The following TEAD1 variants were observed in gnomAD, a reference collection of about 807,000 sequenced individuals.
The protein encoded by TEAD1 is TEA domain transcription factor 1.
A neutral mutation model predicts 54.9 loss-of-function variants in TEAD1; 9 were observed. That is an observed-to-expected ratio of 0.16 (90% CI 0.10 to 0.29). The LOEUF (loss-of-function observed/expected upper bound fraction) is 0.29. Among genes scored for constraint, TEAD1 ranks in the 10% least tolerant of loss-of-function variants. The pLI is 1.00. For missense variants in TEAD1, 387 were observed against 535.9 expected (o/e 0.72, Z 2.74); for synonymous variants, 200 against 187.8 (o/e 1.07, Z -0.53).
At chr11:12,701,288 A>G (rs1008490384) in intron 2 of TEAD1, among the ~76,000 whole-genome samples, 5 of 152,118 alleles carry the variant, frequency 3.3e-5, no homozygotes, top group African/African-American at 1.2e-4. Flanking sequence ...AAGTCAGCCA[A>G]AAAAGTTGGT....
chr11:12,862,760 G>A lies in TEAD1; in HGVS notation c.267+446G>A, dbSNP rs1021719423. 3.3e-5 allele frequency among the ~76,000 whole-genome samples: 5 copies of A among 152,296 alleles called. No homozygotes were observed. In the East Asian group the frequency reaches 9.7e-4, roughly 29 times the overall value. Reference sequence around the variant, plus strand: ...GTAACGCCAGCAGCCTTGAGTATTGGCCTGAATGTAATGCTAAATGATGTG... The same window carrying A: ...GTAACGCCAGCAGCCTTGAGTATTGACCTGAATGTAATGCTAAATGATGTG... On this transcript the variant is annotated intron_variant, in intron 4 of 12. Transcript: ENST00000527636.
At chr11:12,924,323 C>T (rs1358317822) in intron 10 of TEAD1, among the ~76,000 whole-genome samples, 1 of 152,182 alleles carries the variant, frequency 6.6e-6, no homozygotes, top group Non-Finnish European at 1.5e-5. Flanking sequence ...TTTTATGTAT[C>T]TTCCATATCA....
At chr11:12,905,288 A>G (rs2134133238) in intron 10 of TEAD1, among the ~76,000 whole-genome samples, 1 of 152,298 alleles carries the variant, frequency 6.6e-6, no homozygotes, top group East Asian at 1.9e-4. Flanking sequence ...TGAATCCTCA[A>G]ATAACAAAGT....
intron 12 of TEAD1, among the ~76,000 whole-genome samples, chr11:12,930,663 A>G (rs1338378546): frequency 6.6e-6 from 1 of 152,230 alleles, no homozygotes; most frequent in Admixed American, 6.5e-5. Flanking sequence ...TCCTAGATCA[A>G]TTAAATCAGG....
intron 3 of TEAD1, among the ~76,000 whole-genome samples, chr11:12,853,513 A>G (rs1296458391): frequency 1.3e-5 from 2 of 152,218 alleles, no homozygotes; most frequent in African/African-American, 4.8e-5. Context: ...CAAACTACTC[A>G]TTAGAGGATT....
chr11:12,852,389 C>T (rs1197598600), intron 3 of TEAD1, among the ~76,000 whole-genome samples: 1 of 151,420 alleles, frequency 6.6e-6, no homozygotes, highest in East Asian at 1.9e-4. Flanking sequence ...GGGTAGCAGT[C>T]TATTTAGGTC....
intron 2 of TEAD1, among the ~76,000 whole-genome samples, chr11:12,758,960 C>G (rs768707818): frequency 3.9e-5 from 6 of 152,128 alleles, no homozygotes; most frequent in Non-Finnish European, 7.3e-5. Context: ...CTGTGTTACT[C>G]AGGGGGACAG....
chr11:12,880,299 C>T (rs1255649177), intron 6 of TEAD1, among the ~76,000 whole-genome samples: 1 of 152,194 alleles, frequency 6.6e-6, no homozygotes, highest in African/African-American at 2.4e-5. Flanking sequence ...GGCTGAGAAG[C>T]ATTATGTTAT....
At chr11:12,880,866 C>T (rs1450328691) in intron 6 of TEAD1, 139 bp from the exon 7 acceptor site, 17 of 949,188 alleles carry the variant, frequency 1.8e-5, no homozygotes, top group South Asian at 7.8e-5. Flanking sequence ...AAGTGGTGAC[C>T]GCATTTGCAC....
chr11:12,841,602 G>A (rs1375193770), intron 3 of TEAD1, among the ~76,000 whole-genome samples: 5 of 152,070 alleles, frequency 3.3e-5, no homozygotes, highest in Non-Finnish European at 7.3e-5. Flanking sequence ...CCTTCTTTCA[G>A]CTACTTGCAT....
At chr11:12,844,959 C>CTTTTTTTTTTTTTTTTTTTTTTTTTTTTT (rs3046338) in intron 3 of TEAD1, among the ~76,000 whole-genome samples, 1 of 64,658 alleles carries the variant, frequency 1.5e-5, no homozygotes. Context: ...TGTATGAAAT[C>CTTTTTTTTTTTTTTTTTTTTTTTTTTTTT]TTTTTTTTTT....
chr11:12,700,608 C>T (rs1409089072), intron 2 of TEAD1, among the ~76,000 whole-genome samples: 2 of 151,886 alleles, frequency 1.3e-5, no homozygotes, highest in African/African-American at 4.8e-5. Context: ...ACTTTTTTTT[C>T]TATGATAGGA....
chr11:12,937,299 C>G lies in TEAD1; in HGVS notation c.*77C>G. The G allele has an allele frequency of 1.6e-6, 2 of 1,226,272 alleles. No individual in the cohort carries two copies. Among genetic ancestry groups the G allele is most frequent in the Non-Finnish European group, 2.4e-6 (2 of 846,618 alleles). The allele number at this position is 1,226,272 out of a possible 1,614,324, so 76.0% of individuals were successfully genotyped here. On this transcript the variant is annotated 3_prime_UTR_variant, in exon 13 of 13. Coordinates refer to ENST00000527636, the MANE Select transcript of TEAD1 (RefSeq NM_021961.6). ...CACACACACACTCTCTCTCCATTAT[C>G]GAACGACTGACTGTAAACCTCACCA... is the stretch of plus-strand genomic sequence containing the variant.
At position 12,900,954 on chromosome 11, in the gene TEAD1, G is replaced by A. The variant is rs577171378; in HGVS notation, c.700-986G>A. 2.0e-5 allele frequency among the ~76,000 whole-genome samples: 3 copies of A among 152,304 alleles called. No homozygotes were observed. The East Asian group carries it at 5.8e-4, about 29-fold the overall frequency. ...GTTGGTATTAATGCCTATTCAGTGG[G>A]AGAGGCATGCCCGAAGAGTCTGGAG... On this transcript the variant is annotated intron_variant, in intron 9 of 12. Transcript: ENST00000527636.
At chr11:12,772,910 A>G (rs1945341702) in intron 3 of TEAD1, among the ~76,000 whole-genome samples, 1 of 152,166 alleles carries the variant, frequency 6.6e-6, no homozygotes, top group Admixed American at 6.5e-5. Flanking sequence ...AGAATACAGA[A>G]CAGCTCCAAC....
chr11:12,704,138 T>G (rs1312275801), intron 2 of TEAD1, among the ~76,000 whole-genome samples: 3 of 152,204 alleles, frequency 2.0e-5, no homozygotes, highest in Non-Finnish European at 4.4e-5. Context: ...TGTGTTTGGT[T>G]TGTGTTGGGA....
intron 3 of TEAD1, among the ~76,000 whole-genome samples, chr11:12,821,578 A>G (rs996472927): frequency 1.3e-5 from 2 of 152,198 alleles, no homozygotes. Flanking sequence ...CTGAGCATGC[A>G]GTCGGAAACT....
At chr11:12,756,255 G>A (rs1014808131) in intron 2 of TEAD1, among the ~76,000 whole-genome samples, 1 of 152,202 alleles carries the variant, frequency 6.6e-6, no homozygotes, top group African/African-American at 2.4e-5. Flanking sequence ...GAACCTGTTG[G>A]CATTGGCACC....
Position 12,860,523 on chromosome 11 carries a change from C to T in TEAD1, c.203-1727C>T, listed in dbSNP as rs556125146. Among the ~76,000 whole-genome samples, 4 of 152,286 alleles carry T rather than the reference C, an allele frequency of 2.6e-5. No individual in the cohort carries two copies. In the East Asian group the frequency reaches 7.7e-4, roughly 29 times the overall value. On this transcript the variant is annotated intron_variant, in intron 3 of 12. Transcript: ENST00000527636. The stretch of plus-strand genomic sequence containing the variant: ...CTTCGCAATTCTCAGACAAGATTTC[C>T]CTAAGGACATTTTGATGTTCGTCTT...
Sources: gnomAD v4.1 joint callset for allele counts (sites outside exome capture counted in the v4.1 genomes callset) on GRCh38, gnomAD v4.1.1 for gene constraint, MANE v1.5 for transcripts, NCBI Gene and HGNC (gene_info 2026-07-23, HGNC 2026-07-21) for gene names.